Variants in HMCN1 observed in about 807,000 individuals in gnomAD.
HMCN1 encodes the protein hemicentin 1.
HMCN1 carries 321 observed loss-of-function variants against 625.9 expected under a neutral mutation model. That is an observed-to-expected ratio of 0.51 (90% CI 0.47 to 0.56). HMCN1 has a LOEUF of 0.56. Ranked by LOEUF, HMCN1 falls within the 20% of genes least tolerant of loss-of-function variation. The pLI, the probability that HMCN1 is intolerant of heterozygous loss-of-function variation, is 0.00. For synonymous variants in HMCN1, 2,425 were observed against 2,417.6 expected (o/e 1.00, Z -0.09); for missense variants, 6,588 against 6,887.3 (o/e 0.96, Z 1.54).
At chr1:185,776,259 T>C (rs1435382694) in intron 1 of HMCN1, among the ~76,000 whole-genome samples, 1 of 152,196 alleles carries the variant, frequency 6.6e-6, no homozygotes, top group Non-Finnish European at 1.5e-5. Flanking sequence ...CACTTAATAA[T>C]TGGAGAGCAC....
intron 15 of HMCN1, 67 bp downstream of exon 15, chr1:185,970,560 C>G (rs1650741901): frequency 2.2e-6 from 3 of 1,346,460 alleles, no homozygotes; most frequent in Non-Finnish European, 3.2e-6. Context: ...TGTTTAATAA[C>G]CTTGAAATGG....
chr1:186,016,850 A>C (rs1243017219), intron 32 of HMCN1, 113 bp from the exon 33 acceptor site: 1 of 740,882 alleles, frequency 1.3e-6, no homozygotes, highest in Non-Finnish European at 2.5e-6. Context: ...TCATGTATCA[A>C]ACCACTATGA....
chr1:186,008,404 T>G (rs1653777146), intron 30 of HMCN1, among the ~76,000 whole-genome samples: 1 of 152,172 alleles, frequency 6.6e-6, no homozygotes, highest in Non-Finnish European at 1.5e-5. Flanking sequence ...AACTTTACAT[T>G]GATTATATCC....
chr1:185,792,354 A>G (rs775804071), intron 1 of HMCN1, among the ~76,000 whole-genome samples: 1 of 152,178 alleles, frequency 6.6e-6, no homozygotes, highest in Non-Finnish European at 1.5e-5. Flanking sequence ...TGTAAAGAAA[A>G]CTGTTCAAAG....
rs569131222 is a variant in HMCN1 at position 186,067,307 on chromosome 1, T to C, written c.7706-527T>C. 1.8e-3 allele frequency among the ~76,000 whole-genome samples: 278 copies of C among 152,290 alleles called. 2 individuals are homozygous for C. Among genetic ancestry groups the C allele is most frequent in the South Asian group, 6.8e-3 (33 of 4,828 alleles). On this transcript the variant is annotated intron_variant, in intron 49 of 106. Transcript: ENST00000271588. Reference sequence around the variant, plus strand: ...ATAAAACAAATGTACCTGTCTCAGCTATCCTTGCTTCCAATATTGATCCAC... The same window carrying C: ...ATAAAACAAATGTACCTGTCTCAGCCATCCTTGCTTCCAATATTGATCCAC...
At chr1:185,857,533 G>A (rs932153729) in intron 2 of HMCN1, among the ~76,000 whole-genome samples, 3 of 151,700 alleles carry the variant, frequency 2.0e-5, no homozygotes, top group African/African-American at 7.3e-5. Context: ...TAGCCATGTT[G>A]GTTTTATCAT....
intron 1 of HMCN1, among the ~76,000 whole-genome samples, chr1:185,747,321 A>AC (rs1385577560): frequency 6.7e-6 from 1 of 150,024 alleles, no homozygotes; most frequent in Non-Finnish European, 1.5e-5. Flanking sequence ...AAAACCTGTT[A>AC]CTTTTTTTTT....
At chr1:186,070,871 C>A in intron 52 of HMCN1, 114 bp downstream of exon 52, 1 of 1,049,744 alleles carries the variant, frequency 9.5e-7, no homozygotes, top group Non-Finnish European at 1.5e-6. Context: ...GATCTTAAAA[C>A]TAGCAAATGC....
rs750497296 is a variant in HMCN1, at chr1:186,125,795, G to GTAAGT, written c.12690+3_12690+7dup. 2.1e-5 allele frequency: 34 copies of GTAAGT among 1,611,796 alleles called. No individual in the cohort carries two copies. The Middle Eastern group carries it at 6.6e-4, about 31-fold the overall frequency. ...AGAACTCATTTTAGAAAATGTTGTG[G>GTAAGT]TAAGTTTAATGGACGTGAACAGATA... On this transcript the variant is annotated splice_donor_variant, in intron 82 of 106. Coordinates refer to ENST00000271588, the MANE Select transcript of HMCN1 (RefSeq NM_031935.3). LOFTEE classifies it high-confidence loss of function.
intron 16 of HMCN1, among the ~76,000 whole-genome samples, chr1:185,980,644 A>G (rs968973916): frequency 2.6e-5 from 4 of 152,152 alleles, no homozygotes; most frequent in Admixed American, 2.6e-4. Flanking sequence ...TTCTTTGTAC[A>G]GGCCATGATT....
In HMCN1 at chr1:186,132,325, T is replaced by C. The variant is rs1661982538; in HGVS notation, c.13231-3T>C. On this transcript the variant is annotated splice_region_variant and splice_polypyrimidine_tract_variant and intron_variant, in intron 85 of 106. Coordinates refer to ENST00000271588, the MANE Select transcript of HMCN1 (RefSeq NM_031935.3). ...TTTGTAAAAACGCTGCTTATTTCCA[T>C]AGAATGAAGATGCCGGTGACTATAC... 6.2e-7 allele frequency: 1 copy of C among 1,611,480 alleles called. No homozygotes were observed.
intron 52 of HMCN1, among the ~76,000 whole-genome samples, chr1:186,074,234 A>ATAT (rs1553289075): frequency 2.4e-4 from 37 of 151,580 alleles, no homozygotes; most frequent in Admixed American, 1.8e-3. Flanking sequence ...TTTCAATAAA[A>ATAT]CATAATATAA....
At chr1:185,776,442 T>TTGTGTGTGTGTGTG (rs57003461) in intron 1 of HMCN1, among the ~76,000 whole-genome samples, 11 of 146,986 alleles carry the variant, frequency 7.5e-5, no homozygotes, top group African/African-American at 2.2e-4. Flanking sequence ...TTGTATAGGG[T>TTGTGTGTGTGTGTG]TGTGTGTGTG....
intron 2 of HMCN1, among the ~76,000 whole-genome samples, chr1:185,849,409 A>T (rs1410257016): frequency 6.6e-6 from 1 of 152,144 alleles, no homozygotes; most frequent in Non-Finnish European, 1.5e-5. Flanking sequence ...TCTGTCATAA[A>T]GCAGTTGGGA....
chr1:185,780,724 T>C (rs1322331852), intron 1 of HMCN1, among the ~76,000 whole-genome samples: 1 of 152,228 alleles, frequency 6.6e-6, no homozygotes, highest in Non-Finnish European at 1.5e-5. Flanking sequence ...GATAAGCTTT[T>C]TGATGTGCTG....
At chr1:185,798,332 G>T (rs529307190) in intron 1 of HMCN1, among the ~76,000 whole-genome samples, 212 of 152,226 alleles carry the variant, frequency 1.4e-3, no homozygotes, top group African/African-American at 5.0e-3. Flanking sequence ...GCTGACTTTA[G>T]GCTGATGATT....
chr1:186,093,026 T>G, intron 64 of HMCN1, 108 bp from the exon 65 acceptor site: 1 of 1,446,372 alleles, frequency 6.9e-7, no homozygotes, highest in Non-Finnish European at 9.7e-7. Context: ...TTCAGTTGGT[T>G]GCTTGAATTT....
At chr1:185,751,857 T>C (rs1654837758) in intron 1 of HMCN1, among the ~76,000 whole-genome samples, 1 of 152,124 alleles carries the variant, frequency 6.6e-6, no homozygotes, top group African/African-American at 2.4e-5. Flanking sequence ...TATTTTTTGT[T>C]TTTTATAATA....
intron 1 of HMCN1, among the ~76,000 whole-genome samples, chr1:185,841,665 A>C (rs1213933270): frequency 1.3e-5 from 2 of 152,184 alleles, no homozygotes; most frequent in Non-Finnish European, 2.9e-5. Context: ...GGTATGATTA[A>C]AGCAATCAGG....
Sources: allele counts gnomAD v4.1 joint callset (sites outside exome capture counted in the v4.1 genomes callset), GRCh38; gene constraint gnomAD v4.1.1; transcripts MANE v1.5; gene names NCBI Gene and HGNC (gene_info 2026-07-23, HGNC 2026-07-21).